MPDZ: variants seen among roughly 807,000 people sequenced by gnomAD.
MPDZ encodes the protein multiple PDZ domain crumbs cell polarity complex component.
MPDZ carries 234 observed loss-of-function variants against 239.1 expected under a neutral mutation model. That is an observed-to-expected ratio of 0.98 (90% CI 0.88 to 1.09). The LOEUF is 1.09. MPDZ is among the 50% of genes least tolerant of loss of function. MPDZ has a pLI of 0.00. For synonymous variants in MPDZ, 1,048 were observed against 881.3 expected (o/e 1.19, Z -3.35); for missense variants, 3,175 against 2,510.0 (o/e 1.26, Z -5.66).
intron 12 of MPDZ, among the ~76,000 whole-genome samples, chr9:13,200,775 T>C (rs1416278836): frequency 6.6e-6 from 1 of 152,132 alleles, no homozygotes; most frequent in Non-Finnish European, 1.5e-5. Flanking sequence ...TCAGAAAAGA[T>C]ACTTGATATG....
At chr9:13,258,839 A>T (rs1024832234) in intron 1 of MPDZ, among the ~76,000 whole-genome samples, 1 of 152,206 alleles carries the variant, frequency 6.6e-6, no homozygotes, top group Admixed American at 6.5e-5. Flanking sequence ...AATTTTGCCC[A>T]CCAAAATGAA....
chr9:13,219,164 G>A (rs1347395427), intron 8 of MPDZ, among the ~76,000 whole-genome samples: 1 of 151,648 alleles, frequency 6.6e-6, no homozygotes, highest in African/African-American at 2.4e-5. Context: ...AATACTAATG[G>A]GAAAGTTGAT....
chr9:13,163,372 T>C (rs573396226), intron 22 of MPDZ, among the ~76,000 whole-genome samples: 11 of 152,298 alleles, frequency 7.2e-5, no homozygotes, highest in African/African-American at 2.4e-4. Flanking sequence ...GGAAAGACTC[T>C]TACTAATTTG....
chr9:13,198,034 G>C (rs542356195), intron 12 of MPDZ, among the ~76,000 whole-genome samples: 40 of 152,198 alleles, frequency 2.6e-4, no homozygotes, highest in Admixed American at 1.5e-3. Flanking sequence ...CTTAGCCATA[G>C]TGAACAGAAC....
chr9:13,213,012 C>G (rs1235392595), intron 10 of MPDZ, among the ~76,000 whole-genome samples: 1 of 151,946 alleles, frequency 6.6e-6, no homozygotes, highest in East Asian at 1.9e-4. Flanking sequence ...TCACAGAAAA[C>G]CAAAGGCAAC....
At chr9:13,107,856 A>AATG (rs1941743055) in intron 46 of MPDZ, among the ~76,000 whole-genome samples, 1 of 152,312 alleles carries the variant, frequency 6.6e-6, no homozygotes, top group African/African-American at 2.4e-5. Context: ...AGGAATCCAT[A>AATG]ATGATGAAAT....
In MPDZ at chr9:13,221,372, C is replaced by T; in HGVS notation, c.876G>A (p.Gln292=). Residue 292 remains glutamine, a splice_region_variant and synonymous_variant, in exon 7 of 47, where the codon CAG becomes CAA. Coordinates refer to ENST00000319217, the MANE Select transcript of MPDZ (RefSeq NM_001378778.1). ...TAAAAGATCTATTGATGTAGCCTAC[C>T]TGATCAGCTACTCCTCCAGGCAGAA... ...KTILPGGVAD[Q]HGRLCSGDHI... is the part of the protein sequence containing the mutation. The T allele has an allele frequency of 6.2e-7, 1 of 1,606,426 alleles. No homozygotes were observed. Among genetic ancestry groups the T allele is most frequent in the Non-Finnish European group, 8.5e-7 (1 of 1,175,804 alleles).
intron 8 of MPDZ, among the ~76,000 whole-genome samples, chr9:13,218,790 T>C (rs1201395687): frequency 2.6e-5 from 4 of 151,930 alleles, no homozygotes; most frequent in African/African-American, 7.2e-5. Flanking sequence ...TTCTTAAATA[T>C]TTAAGAGACT....
chr9:13,137,567 C>G (rs1194650807), intron 29 of MPDZ, among the ~76,000 whole-genome samples: 5 of 152,178 alleles, frequency 3.3e-5, no homozygotes, highest in Non-Finnish European at 7.3e-5. Flanking sequence ...CCACCTCACC[C>G]TCATCACTTC....
intron 3 of MPDZ, among the ~76,000 whole-genome samples, chr9:13,233,998 T>G (rs1262852820): frequency 1.4e-5 from 2 of 147,750 alleles, no homozygotes; most frequent in Non-Finnish European, 3.0e-5. Flanking sequence ...AAACATATTT[T>G]AATCTCTGTA....
intron 3 of MPDZ, among the ~76,000 whole-genome samples, chr9:13,243,156 TTC>T (rs1255296033): frequency 2.0e-5 from 3 of 152,226 alleles, no homozygotes; most frequent in Non-Finnish European, 4.4e-5. Context: ...CTTCTTTGTT[TTC>T]TTTCTGTTCT....
intron 35 of MPDZ, among the ~76,000 whole-genome samples, chr9:13,123,884 G>A (rs868467144): frequency 5.3e-5 from 8 of 151,902 alleles, no homozygotes; most frequent in South Asian, 4.2e-4. Context: ...TTTCTCCTTG[G>A]GTCTCACTTG....
Position 13,140,051 on chromosome 9 carries a change from T to G in MPDZ, c.3939A>C (p.Thr1313=). Reference sequence around the variant, plus strand: ...GTGAGATTTTGCTTGCAGATGACTGTGTGTGATCACTACCCATTTCGGCAA... The same window carrying G: ...GTGAGATTTTGCTTGCAGATGACTGGGTGTGATCACTACCCATTTCGGCAA... ...SAFAEMGSDH[T]QSSASKISQD... Residue 1313 remains threonine (T), a synonymous_variant, in exon 28 of 47, where the codon ACA becomes ACC. Transcript: ENST00000319217. The G allele has an allele frequency of 6.2e-7, 1 of 1,613,102 alleles. No individual in the cohort carries two copies. Among genetic ancestry groups the G allele is most frequent in the Non-Finnish European group, 8.5e-7 (1 of 1,179,702 alleles).
At chr9:13,238,320 T>C (rs1964590410) in intron 3 of MPDZ, among the ~76,000 whole-genome samples, 1 of 152,168 alleles carries the variant, frequency 6.6e-6, no homozygotes. Context: ...AAAGTCCACT[T>C]ACATAATAAG....
intron 35 of MPDZ, among the ~76,000 whole-genome samples, chr9:13,124,820 T>C (rs1261778598): frequency 6.6e-6 from 1 of 152,082 alleles, no homozygotes; most frequent in Non-Finnish European, 1.5e-5. Context: ...CTTAGAGAAG[T>C]TAAATTACTT....
At chr9:13,152,837 C>G (rs1949359811) in intron 24 of MPDZ, among the ~76,000 whole-genome samples, 1 of 152,080 alleles carries the variant, frequency 6.6e-6, no homozygotes, top group African/African-American at 2.4e-5. Context: ...CTGCAAATAG[C>G]TGTAAGCGCT....
chr9:13,139,767 G>A, intron 28 of MPDZ: 1 of 548,018 alleles, frequency 1.8e-6, no homozygotes, highest in Non-Finnish European at 3.3e-6. Flanking sequence ...AAGGCAGAGT[G>A]AGCTTTAACA....
In MPDZ at chr9:13,129,326, G is replaced by A. The variant is rs1355664600; in HGVS notation, c.4465-2554C>T. 3.9e-5 allele frequency among the ~76,000 whole-genome samples: 6 copies of A among 151,914 alleles called. No homozygotes were observed. The South Asian group carries it at 1.0e-3, about 26-fold the overall frequency. On this transcript the variant is annotated intron_variant, in intron 32 of 46. Transcript: ENST00000319217. ...TAAAGTACAAAAGTTAGCCGGGCAT[G>A]GTGGTGCACACCTGTAATCCCAGCT...
chr9:13,121,246 T>G (rs926044764), intron 38 of MPDZ, among the ~76,000 whole-genome samples: 1 of 152,282 alleles, frequency 6.6e-6, no homozygotes, highest in East Asian at 1.9e-4. Context: ...CACTTATCAC[T>G]TTTAGCCTCA....
Sources: gnomAD v4.1 joint callset for allele counts (sites outside exome capture counted in the v4.1 genomes callset) on GRCh38, gnomAD v4.1.1 for gene constraint, MANE v1.5 for transcripts, NCBI Gene and HGNC (gene_info 2026-07-23, HGNC 2026-07-21) for gene names.